The following CCDC158 variants were observed in gnomAD, a reference collection of about 807,000 sequenced individuals.
CCDC158 encodes the protein coiled-coil domain containing 158, also known as coiled-coil domain-containing protein 158.
Under a neutral mutation model 138.6 loss-of-function variants are expected in CCDC158, and 116 were observed. The observed-to-expected ratio is 0.84, with a 90% CI of 0.72 to 0.98. The LOEUF (loss-of-function observed/expected upper bound fraction) is 0.98. CCDC158 is among the 50% of genes least tolerant of loss of function. CCDC158 has a pLI of 0.00. For missense variants in CCDC158, 1,265 were observed against 1,306.1 expected (o/e 0.97, Z 0.48); for synonymous variants, 436 against 442.4 (o/e 0.99, Z 0.18).
At position 76,326,966 on chromosome 4, in the gene CCDC158, A is replaced by C. The variant is rs1418135875; in HGVS notation, c.3011-951T>G. Among the ~76,000 whole-genome samples, 4 of 152,272 alleles carry C rather than the reference A, an allele frequency of 2.6e-5. No homozygotes were observed. In the East Asian group the frequency reaches 7.7e-4, roughly 29 times the overall value. On this transcript the variant is annotated intron_variant, in intron 22 of 24. Transcript: ENST00000682701. ...AAATGAATATTAACTGTACAAAACA[A>C]TACAAATAATTAAATGTGGTATTCA... is the stretch of plus-strand genomic sequence containing the variant.
chr4:76,346,200 G>A (rs1373199063), intron 18 of CCDC158, among the ~76,000 whole-genome samples: 1 of 152,118 alleles, frequency 6.6e-6, no homozygotes, highest in African/African-American at 2.4e-5. Flanking sequence ...ACAAAAAACT[G>A]AAACTGTTTC....
At chr4:76,326,897 T>A (rs1236809224) in intron 22 of CCDC158, among the ~76,000 whole-genome samples, 1 of 152,118 alleles carries the variant, frequency 6.6e-6, no homozygotes. Context: ...AAGGCATAAG[T>A]AAAATGATAC....
intron 24 of CCDC158, among the ~76,000 whole-genome samples, chr4:76,317,654 CAG>C (rs1165032668): frequency 1.3e-5 from 2 of 152,136 alleles, no homozygotes; most frequent in Non-Finnish European, 2.9e-5. Flanking sequence ...CTAGAACAAA[CAG>C]ACTTAACAGA....
At chr4:76,371,307 A>T (rs1295611822) in intron 10 of CCDC158, 110 bp downstream of exon 10, 55 of 1,062,158 alleles carry the variant, frequency 5.2e-5, no homozygotes, top group Non-Finnish European at 5.4e-6. Context: ...GCATGTATGC[A>T]CAAATATTTT....
At chr4:76,413,821 T>C (rs1338781644) in intron 1 of CCDC158, among the ~76,000 whole-genome samples, 2 of 152,248 alleles carry the variant, frequency 1.3e-5, no homozygotes. Context: ...TCACAGATGA[T>C]ATCAGTCAAC....
intron 19 of CCDC158, 83 bp downstream of exon 19, chr4:76,333,927 C>A: frequency 1.0e-6 from 1 of 1,002,226 alleles, no homozygotes; most frequent in Non-Finnish European, 1.4e-6. Context: ...AAACCTCACC[C>A]TCCCAGAGAG....
intron 3 of CCDC158, among the ~76,000 whole-genome samples, chr4:76,397,819 G>A (rs1727965402): frequency 6.6e-6 from 1 of 152,202 alleles, no homozygotes; most frequent in South Asian, 2.1e-4. Flanking sequence ...TGGCACCTCA[G>A]TAGCAATATG....
chr4:76,321,039 T>C (rs1719945683), intron 24 of CCDC158, among the ~76,000 whole-genome samples: 1 of 152,060 alleles, frequency 6.6e-6, no homozygotes, highest in Non-Finnish European at 1.5e-5. Flanking sequence ...ATCCAGAATC[T>C]ACAAGGAACT....
At chr4:76,380,128 C>T (rs1288987300) in intron 8 of CCDC158, among the ~76,000 whole-genome samples, 1 of 152,076 alleles carries the variant, frequency 6.6e-6, no homozygotes, top group Non-Finnish European at 1.5e-5. Flanking sequence ...TGGATTAATA[C>T]AGAAAACTGG....
At chr4:76,355,042 A>G (rs6847342) in intron 15 of CCDC158, among the ~76,000 whole-genome samples, 4,487 of 152,268 alleles carry the variant, frequency 0.029, 221 homozygotes, top group African/African-American at 0.1. Context: ...CGATTTTTAC[A>G]AACATGTATG....
intron 14 of CCDC158, among the ~76,000 whole-genome samples, chr4:76,356,997 CCAGGGACCTA>C: frequency 6.6e-6 from 1 of 151,916 alleles, no homozygotes; most frequent in African/African-American, 2.4e-5. Context: ...TGCCAACTAG[CCAGGGACCTA>C]CAGTTTATAT....
intron 18 of CCDC158, among the ~76,000 whole-genome samples, chr4:76,339,911 A>G (rs1721893033): frequency 6.6e-6 from 1 of 152,190 alleles, no homozygotes; most frequent in South Asian, 2.1e-4. Flanking sequence ...CACCCACAGC[A>G]TACACGTCTT....
At chr4:76,315,426 G>A (rs561317690) in intron 24 of CCDC158, among the ~76,000 whole-genome samples, 45 of 152,266 alleles carry the variant, frequency 3.0e-4, no homozygotes, top group African/African-American at 9.9e-4. Flanking sequence ...CCAACTTAGG[G>A]CAAGCTTACA....
intron 18 of CCDC158, among the ~76,000 whole-genome samples, chr4:76,349,337 A>C (rs1722848636): frequency 6.6e-6 from 1 of 152,238 alleles, no homozygotes; most frequent in Non-Finnish European, 1.5e-5. Context: ...ATATTTTAAA[A>C]ATCTAGTTCA....
chr4:76,344,742 A>T, intron 18 of CCDC158: 2 of 1,613,696 alleles, frequency 1.2e-6, no homozygotes, highest in South Asian at 2.2e-5. Flanking sequence ...TCTTATTGAA[A>T]CAACAGACTA....
intron 4 of CCDC158, among the ~76,000 whole-genome samples, chr4:76,385,344 A>AG (rs1726685016): frequency 6.6e-6 from 1 of 152,210 alleles, no homozygotes; most frequent in African/African-American, 2.4e-5. Flanking sequence ...GCAAACACCC[A>AG]GAAAAAAAAG....
At chr4:76,418,790 AT>A (rs923334441) in intron 1 of CCDC158, among the ~76,000 whole-genome samples, 123 of 152,316 alleles carry the variant, frequency 8.1e-4, no homozygotes, top group African/African-American at 2.7e-3. Context: ...ACAATCCAAG[AT>A]GAGATTTGGG....
chr4:76,399,783 T>C (rs1728175333), intron 3 of CCDC158, among the ~76,000 whole-genome samples: 3 of 152,064 alleles, frequency 2.0e-5, no homozygotes, highest in African/African-American at 7.2e-5. Flanking sequence ...TTTTTATTGA[T>C]GGAAAGGTTC....
intron 13 of CCDC158, among the ~76,000 whole-genome samples, chr4:76,360,355 G>T (rs370121931): frequency 6.6e-6 from 1 of 152,224 alleles, no homozygotes; most frequent in Non-Finnish European, 1.5e-5. Context: ...GTCTGCACTG[G>T]AGCACTGCCC....
Sources: allele counts gnomAD v4.1 joint callset (sites outside exome capture counted in the v4.1 genomes callset), GRCh38; gene constraint gnomAD v4.1.1; transcripts MANE v1.5; gene names NCBI Gene and HGNC (gene_info 2026-07-23, HGNC 2026-07-21).